The following CLIC5 variants were observed in gnomAD, a reference collection of about 807,000 sequenced individuals.
CLIC5 encodes chloride intracellular channel protein 5.
CLIC5 carries 20 observed loss-of-function variants against 24.7 expected under a neutral mutation model. The observed-to-expected ratio is 0.81, with a 90% CI of 0.57 to 1.18. The LOEUF is 1.18. Among genes scored for constraint, CLIC5 ranks in the 50% most tolerant of loss-of-function variants. The probability of loss-of-function intolerance (pLI) is 0.00; values close to 1 mark genes in which losing one functional copy is unlikely to be tolerated. For missense variants in CLIC5, 341 were observed against 326.1 expected, an observed-to-expected ratio of 1.05 and a Z score of -0.35; for synonymous variants, 159 against 135.6, an observed-to-expected ratio of 1.17 and a Z score of -1.20.
At chr6:45,925,385 C>A (rs1484959617) in intron 4 of CLIC5, among the ~76,000 whole-genome samples, 2 of 150,234 alleles carry the variant, frequency 1.3e-5, no homozygotes, top group Non-Finnish European at 2.9e-5. Flanking sequence ...GGTGCGATCT[C>A]AGCTCACTGC....
At chr6:45,984,656 C>T (rs1291938702) in intron 1 of CLIC5, among the ~76,000 whole-genome samples, 1 of 152,172 alleles carries the variant, frequency 6.6e-6, no homozygotes, top group Non-Finnish European at 1.5e-5. Context: ...CTTTCATGGT[C>T]TTCTTGCCTT....
At chr6:46,112,507 G>A in the CLIC5 span, among the ~76,000 whole-genome samples, 10 of 152,194 alleles carry the variant, frequency 6.6e-5, no homozygotes, top group South Asian at 1.9e-3. Context: ...AATGCCTTTG[G>A]GGGGGTAATC....
intron 1 of CLIC5, among the ~76,000 whole-genome samples, chr6:46,069,528 G>A (rs1280018100): frequency 6.6e-6 from 1 of 151,766 alleles, no homozygotes; most frequent in Non-Finnish European, 1.5e-5. Flanking sequence ...CTGAATCCCT[G>A]AACAGACCAA....
intron 4 of CLIC5, 57 bp downstream of exon 4, chr6:45,941,490 G>T: frequency 7.7e-7 from 1 of 1,301,696 alleles, no homozygotes; most frequent in Non-Finnish European, 1.1e-6. Context: ...AATTGAAGAT[G>T]CCTTGGGCAG....
At chr6:46,022,671 G>A (rs991804964) in intron 1 of CLIC5, among the ~76,000 whole-genome samples, 1 of 152,192 alleles carries the variant, frequency 6.6e-6, no homozygotes, top group Non-Finnish European at 1.5e-5. Context: ...GTCTATTGGT[G>A]CTTAGCAAAG....
intron 1 of CLIC5, among the ~76,000 whole-genome samples, chr6:46,050,733 C>T (rs1768078792): frequency 6.6e-6 from 1 of 152,122 alleles, no homozygotes; most frequent in Non-Finnish European, 1.5e-5. Flanking sequence ...TAGGTGGTAG[C>T]AAATACTTTT....
the CLIC5 span, among the ~76,000 whole-genome samples, chr6:46,115,564 T>C: frequency 7.3e-3 from 1,110 of 152,342 alleles, 5 homozygotes; most frequent in Non-Finnish European, 0.012. Flanking sequence ...TTTGTTTGTA[T>C]GTTTTTACCT....
At chr6:45,929,042 G>A (rs746888753) in intron 4 of CLIC5, among the ~76,000 whole-genome samples, 5 of 151,952 alleles carry the variant, frequency 3.3e-5, no homozygotes, top group African/African-American at 4.8e-5. Context: ...GGTGGTCTCC[G>A]CTCTACTCCA....
At chr6:45,906,874 T>A (rs1561921802) in intron 5 of CLIC5, among the ~76,000 whole-genome samples, 1 of 152,252 alleles carries the variant, frequency 6.6e-6, no homozygotes, top group Non-Finnish European at 1.5e-5. Flanking sequence ...ATTGACTTTT[T>A]ATACTGAGAC....
chr6:45,986,530 C>A (rs568820654), intron 1 of CLIC5, among the ~76,000 whole-genome samples: 29 of 152,232 alleles, frequency 1.9e-4, no homozygotes, highest in Middle Eastern at 3.4e-3. Context: ...TGTGAGGGTG[C>A]CTTAAGGGCC....
At chr6:46,031,127 T>C (rs1767486538) in intron 1 of CLIC5, among the ~76,000 whole-genome samples, 1 of 152,244 alleles carries the variant, frequency 6.6e-6, no homozygotes, top group Non-Finnish European at 1.5e-5. Context: ...GATCCTATTT[T>C]ATTCCCATCA....
the CLIC5 span, among the ~76,000 whole-genome samples, chr6:46,096,324 C>T: frequency 2.0e-5 from 3 of 152,206 alleles, no homozygotes; most frequent in Non-Finnish European, 2.9e-5. Flanking sequence ...TATCATGCCA[C>T]AAACTGAGAA....
upstream of CLIC5, among the ~76,000 whole-genome samples, chr6:46,080,708 T>C (rs1336723267): frequency 6.6e-6 from 1 of 152,224 alleles, no homozygotes; most frequent in African/African-American, 2.4e-5. Context: ...CAATGGCCTC[T>C]CATCTATTTA....
At chr6:46,128,928 A>G in the CLIC5 span, among the ~76,000 whole-genome samples, 1 of 152,202 alleles carries the variant, frequency 6.6e-6, no homozygotes, top group African/African-American at 2.4e-5. Flanking sequence ...CTGCTTCCAG[A>G]TTGTTGGTAA....
downstream of CLIC5, chr6:45,898,336 C>T (rs1308612724): frequency 6.6e-6 from 1 of 151,750 alleles, no homozygotes; most frequent in Admixed American, 6.6e-5. Flanking sequence ...TGAACATTTT[C>T]CTTTATAATG....
At chr6:46,088,487 C>T in the CLIC5 span, among the ~76,000 whole-genome samples, 3 of 152,018 alleles carry the variant, frequency 2.0e-5, no homozygotes, top group African/African-American at 7.2e-5. Context: ...AAGAAGATTT[C>T]TTTCTGATTA....
exon 1 of CLIC5, chr6:46,080,154 C>T (rs1435569079): frequency 3.2e-6 from 5 of 1,551,492 alleles, no homozygotes; most frequent in African/African-American, 1.4e-5. Context: ...ATAATGGGGA[C>T]TTTCATTTTC....
intron 6 of CLIC5, among the ~76,000 whole-genome samples, chr6:45,882,052 T>C (rs796282845): frequency 5.3e-5 from 8 of 152,154 alleles, no homozygotes; most frequent in African/African-American, 1.9e-4. Context: ...GCAGGGCTCA[T>C]TGGAAATGCC....
chr6:45,941,468 T>A, intron 4 of CLIC5, 79 bp downstream of exon 4: 1 of 1,091,216 alleles, frequency 9.2e-7, no homozygotes, highest in Non-Finnish European at 1.4e-6. Context: ...GTATTTGACA[T>A]GCCTATGGGC....
Sources: allele counts gnomAD v4.1 joint callset (sites outside exome capture counted in the v4.1 genomes callset), GRCh38; gene constraint gnomAD v4.1.1; transcripts MANE v1.5; gene names NCBI Gene and HGNC (gene_info 2026-07-23, HGNC 2026-07-21).